Variants in FDX1 observed in about 807,000 individuals in gnomAD.
The protein encoded by FDX1 is adrenodoxin, mitochondrial.
Under a neutral mutation model 14.9 loss-of-function variants are expected in FDX1, and 9 were observed. The ratio of observed to expected loss-of-function variants is 0.60; its 90% CI spans 0.36 to 1.05. FDX1 has a LOEUF of 1.05. Ranked by LOEUF, FDX1 falls within the 50% of genes least tolerant of loss-of-function variation. The pLI is 0.01. For synonymous variants in FDX1, 92 were observed against 99.4 expected, an observed-to-expected ratio of 0.93 and a Z score of 0.44; for missense variants, 204 against 237.2, an observed-to-expected ratio of 0.86 and a Z score of 0.92.
At position 110,444,668 on chromosome 11, in the gene FDX1, A is replaced by ACG. The variant is rs1946428895; in HGVS notation, c.310+8710_310+8711insCG. ...TGTGTGTGTATATATATATATACGT[A>ACG]TATATATATATATATACACGTATAT... On this transcript the variant is annotated intron_variant, in intron 2 of 3. Transcript: ENST00000260270. 1.8e-4 allele frequency among the ~76,000 whole-genome samples: 12 copies of ACG among 68,098 alleles called. 3 individuals carry two copies. Among genetic ancestry groups the ACG allele is most frequent in the African/African-American group, 1.5e-4 (2 of 13,498 alleles). The allele number at this position is 68,098 out of a possible 152,430, so 44.7% of individuals were successfully genotyped here.
chr11:110,430,138 C>G lies in FDX1; in HGVS notation c.18C>G (p.Gly6=). 1 of 1,240,120 alleles carries G rather than the reference C, an allele frequency of 8.1e-7. No homozygotes were observed. The highest frequency in any genetic ancestry group is 1.6e-5 in the African/African-American group (1 of 63,946). 76.8% of individuals were successfully genotyped at this position (1,240,120 alleles called of 1,614,324 possible). The change falls in exon 1 of 4, where the codon GGC becomes GGG. Residue 6 remains glycine (G), a synonymous_variant. Transcript: ENST00000260270. Reference sequence around the variant, plus strand: ...CGCGGGCGATGGCTGCCGCTGGGGGCGCCCGGCTGCTGCGCGCCGCTTCTG... The same window carrying G: ...CGCGGGCGATGGCTGCCGCTGGGGGGGCCCGGCTGCTGCGCGCCGCTTCTG... The part of the protein sequence containing the change: MAAAG[G]ARLLRAASAV...
In FDX1 at chr11:110,435,825, T is replaced by G. The variant is rs769913106; in HGVS notation, c.186-9T>G. On this transcript the variant is annotated splice_polypyrimidine_tract_variant and intron_variant, in intron 1 of 3. Coordinates refer to ENST00000260270, the MANE Select transcript of FDX1 (RefSeq NM_004109.5). The stretch of plus-strand genomic sequence containing the variant: ...ACTAAAAATACTAAAGGACTGTTTT[T>G]TTTTCCAGCTCAGAAGATAAAATAA... The G allele has an allele frequency of 6.3e-7, 1 of 1,586,098 alleles. No individual in the cohort carries two copies. The highest frequency in any genetic ancestry group is 1.4e-5 in the African/African-American group (1 of 73,408).
intron 2 of FDX1, among the ~76,000 whole-genome samples, chr11:110,453,065 G>A (rs1037251766): frequency 4.6e-5 from 7 of 152,140 alleles, no homozygotes; most frequent in Admixed American, 1.3e-4. Context: ...GGCCAGGTGC[G>A]GTGGCTCACG....
At chr11:110,433,510 TA>T (rs1946345002) in intron 1 of FDX1, among the ~76,000 whole-genome samples, 1 of 152,234 alleles carries the variant, frequency 6.6e-6, no homozygotes, top group African/African-American at 2.4e-5. Flanking sequence ...GGATGTCTGT[TA>T]AGTCACTGCA....
At chr11:110,431,580 TC>T (rs1241071314) in intron 1 of FDX1, among the ~76,000 whole-genome samples, 4 of 152,114 alleles carry the variant, frequency 2.6e-5, no homozygotes, top group African/African-American at 9.7e-5. Flanking sequence ...CCTCTGCACT[TC>T]CCCCCCTGTC....
chr11:110,454,257 A>G (rs1277202732), intron 2 of FDX1, among the ~76,000 whole-genome samples: 1 of 152,240 alleles, frequency 6.6e-6, no homozygotes, highest in Non-Finnish European at 1.5e-5. Context: ...AGAATAGAAT[A>G]ATACCTTTAA....
rs1946427532 is a variant in FDX1, at chr11:110,444,650, GTATATATATATATACGTATA to G, written c.310+8708_310+8727del. ...AAAATATATGTGTGTGTGTGTGTGT[GTATATATATATATACGTATA>G]TATATATATATATACACGTATATAT... On this transcript the variant is annotated intron_variant, in intron 2 of 3. Transcript: ENST00000260270. Among the ~76,000 whole-genome samples, 7 of 53,832 alleles carry G rather than the reference GTATATATATATATACGTATA, an allele frequency of 1.3e-4. No homozygotes were observed. In the East Asian group the frequency reaches 4.3e-3, roughly 33 times the overall value. 35.3% of individuals were successfully genotyped at this position (53,832 alleles called of 152,430 possible).
At position 110,456,398 on chromosome 11, in the gene FDX1, A is replaced by G. The variant is rs77603062; in HGVS notation, c.311-520A>G. Among the ~76,000 whole-genome samples, 1,009 of 152,174 alleles carry G rather than the reference A, an allele frequency of 6.6e-3. 11 individuals are homozygous for G. Among genetic ancestry groups the G allele is most frequent in the African/African-American group, 0.023 (937 of 41,516 alleles). On this transcript the variant is annotated intron_variant, in intron 2 of 3. Coordinates refer to ENST00000260270, the MANE Select transcript of FDX1 (RefSeq NM_004109.5). Reference sequence around the variant, plus strand: ...CAAGCCAGAACCTTTGTGAAATAATATAACGTGAGGGATTTCAAACTCATG... The same window carrying G: ...CAAGCCAGAACCTTTGTGAAATAATGTAACGTGAGGGATTTCAAACTCATG...
At chr11:110,458,573 A>G (rs1565385499) in intron 3 of FDX1, among the ~76,000 whole-genome samples, 1 of 152,114 alleles carries the variant, frequency 6.6e-6, no homozygotes, top group Non-Finnish European at 1.5e-5. Context: ...TTTAAATACT[A>G]TGTAAATGTT....
chr11:110,430,584 G>GC (rs1478943393), intron 1 of FDX1, among the ~76,000 whole-genome samples: 1 of 152,214 alleles, frequency 6.6e-6, no homozygotes, highest in Non-Finnish European at 1.5e-5. Context: ...CCCTTTCCCA[G>GC]CGCTTCCCGT....
intron 2 of FDX1, among the ~76,000 whole-genome samples, chr11:110,454,403 G>A (rs1946508530): frequency 6.6e-6 from 1 of 152,166 alleles, no homozygotes. Flanking sequence ...TTTTTCAGGA[G>A]GGATTTGTTG....
intron 3 of FDX1, among the ~76,000 whole-genome samples, chr11:110,459,297 C>A (rs1946542459): frequency 1.3e-5 from 2 of 152,220 alleles, no homozygotes; most frequent in South Asian, 4.1e-4. Flanking sequence ...GCTCTCAGAA[C>A]AGTGCTTGGT....
chr11:110,430,323 CG>C lies in FDX1; in HGVS notation c.185+19del. On this transcript the variant is annotated intron_variant, in intron 1 of 3. Transcript: ENST00000260270. ...CGGAGCAGGTAGGGCGCCGTGCGGG[CG>C]CGATCGCCGGCGCGGGCCGGGGTCC... The C allele has an allele frequency of 8.4e-7, 1 of 1,187,898 alleles. No homozygotes were observed. Among genetic ancestry groups the C allele is most frequent in the Non-Finnish European group, 1.0e-6 (1 of 959,110 alleles). The allele number at this position is 1,187,898 out of a possible 1,614,324, so 73.6% of individuals were successfully genotyped here.
In FDX1 at chr11:110,463,055, T is replaced by C. The variant is rs1016917634; in HGVS notation, c.*587T>C. ...TAGTTATTGACCTTATAAATAAATA[T>C]TTCAAAATTTTGATTCGGAAGACTA... On this transcript the variant is annotated 3_prime_UTR_variant, in exon 4 of 4. Coordinates refer to ENST00000260270, the MANE Select transcript of FDX1 (RefSeq NM_004109.5). 6.6e-6 allele frequency: 1 copy of C among 152,268 alleles called. No homozygotes were observed. The highest frequency in any genetic ancestry group is 2.4e-5 in the African/African-American group (1 of 41,470). The allele number at this position is 152,268 out of a possible 1,614,324, so 9.4% of individuals were successfully genotyped here.
intron 1 of FDX1, among the ~76,000 whole-genome samples, chr11:110,432,597 T>C (rs912584184): frequency 3.9e-5 from 6 of 152,052 alleles, no homozygotes; most frequent in Admixed American, 2.0e-4. Context: ...GCCACCCGAA[T>C]ATCTGGGATT....
At chr11:110,451,264 A>G (rs1367332087) in intron 2 of FDX1, among the ~76,000 whole-genome samples, 3 of 152,206 alleles carry the variant, frequency 2.0e-5, no homozygotes, top group Non-Finnish European at 2.9e-5. Context: ...CAACACACAG[A>G]ACCTATTTCT....
chr11:110,433,099 T>C (rs1482309570), intron 1 of FDX1, among the ~76,000 whole-genome samples: 2 of 152,280 alleles, frequency 1.3e-5, no homozygotes, highest in Non-Finnish European at 2.9e-5. Context: ...ATTCCTTTGC[T>C]GTAAGCTTAG....
chr11:110,446,438 T>C (rs1946450628), intron 2 of FDX1, among the ~76,000 whole-genome samples: 1 of 152,226 alleles, frequency 6.6e-6, no homozygotes, highest in African/African-American at 2.4e-5. Context: ...TTCTAGATAT[T>C]GATAAACTCT....
chr11:110,431,101 T>TAGCAGCAGCAGCAGC (rs35673502), intron 1 of FDX1, among the ~76,000 whole-genome samples: 12 of 151,222 alleles, frequency 7.9e-5, no homozygotes, highest in Middle Eastern at 3.4e-3. Context: ...TGCCACTTGG[T>TAGCAGCAGCAGCAGC]AGCAGCAGCA....
Sources: allele counts gnomAD v4.1 joint callset (sites outside exome capture counted in the v4.1 genomes callset), GRCh38; gene constraint gnomAD v4.1.1; transcripts MANE v1.5; gene names NCBI Gene and HGNC (gene_info 2026-07-23, HGNC 2026-07-21).